The following GALNT17 variants were observed in gnomAD, a reference collection of about 807,000 sequenced individuals.
GALNT17 encodes polypeptide N-acetylgalactosaminyltransferase 17.
Under a neutral mutation model 63.7 loss-of-function variants are expected in GALNT17, and 29 were observed. The observed-to-expected ratio is 0.46, with a 90% confidence interval of 0.34 to 0.62. The LOEUF is 0.62. Ranked by LOEUF, GALNT17 falls within the 20% of genes least tolerant of loss-of-function variation. The pLI, the probability that GALNT17 is intolerant of heterozygous loss-of-function variation, is 0.01. For missense variants in GALNT17, 603 were observed against 799.6 expected, an observed-to-expected ratio of 0.75 and a Z score of 2.97; for synonymous variants, 305 against 318.3, an observed-to-expected ratio of 0.96 and a Z score of 0.45.
At chr7:71,368,263 G>A (rs1483197906) in intron 2 of GALNT17, among the ~76,000 whole-genome samples, 1 of 152,220 alleles carries the variant, frequency 6.6e-6, no homozygotes, top group Non-Finnish European at 1.5e-5. Flanking sequence ...GATCAAGTCT[G>A]AATTTTATAA....
chr7:71,481,967 G>C (rs1787825319), intron 5 of GALNT17, among the ~76,000 whole-genome samples: 1 of 152,094 alleles, frequency 6.6e-6, no homozygotes, highest in South Asian at 2.1e-4. Flanking sequence ...GAAAGACAAA[G>C]TCAGTTCTAG....
intron 5 of GALNT17, among the ~76,000 whole-genome samples, chr7:71,543,511 T>A (rs1378376089): frequency 6.6e-6 from 1 of 152,090 alleles, no homozygotes; most frequent in East Asian, 1.9e-4. Context: ...ACACATACAG[T>A]TATCTCTTCA....
At chr7:71,628,369 C>T (rs1790406243) in intron 6 of GALNT17, among the ~76,000 whole-genome samples, 1 of 152,052 alleles carries the variant, frequency 6.6e-6, no homozygotes, top group Non-Finnish European at 1.5e-5. Flanking sequence ...GTCGACCAGA[C>T]TGGAGTGCAG....
In GALNT17 at chr7:71,589,465, A is replaced by G. The variant is rs138748476; in HGVS notation, c.1080+18063A>G. 2.4e-3 allele frequency among the ~76,000 whole-genome samples: 360 copies of G among 152,210 alleles called. 2 individuals are homozygous for G. In the Middle Eastern group the frequency reaches 0.027, roughly 12 times the overall value. On this transcript the variant is annotated intron_variant, in intron 6 of 10. Coordinates refer to ENST00000333538, the MANE Select transcript of GALNT17 (RefSeq NM_022479.3). ...TGTGCCCTTGTAGTCACAGCTACTC[A>G]TGAGGCTGAGGCAGGAGGATGGCCT...
chr7:71,311,089 C>T (rs1200177672), intron 1 of GALNT17, among the ~76,000 whole-genome samples: 3 of 152,118 alleles, frequency 2.0e-5, no homozygotes, highest in Non-Finnish European at 2.9e-5. Context: ...TTTTTCTTTC[C>T]ACTGACTTTA....
At chr7:71,383,642 C>T (rs537534025) in intron 2 of GALNT17, among the ~76,000 whole-genome samples, 5 of 152,222 alleles carry the variant, frequency 3.3e-5, no homozygotes, top group African/African-American at 1.2e-4. Context: ...CTGTGTTCCC[C>T]AAGCTGGTCT....
At chr7:71,230,572 G>T (rs1387037285) in intron 1 of GALNT17, among the ~76,000 whole-genome samples, 1 of 152,184 alleles carries the variant, frequency 6.6e-6, no homozygotes, top group South Asian at 2.1e-4. Context: ...GAGGAGGCCG[G>T]CATGGTGAGT....
At chr7:71,342,254 G>A (rs1792017871) in intron 2 of GALNT17, among the ~76,000 whole-genome samples, 1 of 152,166 alleles carries the variant, frequency 6.6e-6, no homozygotes, top group African/African-American at 2.4e-5. Flanking sequence ...AGCAAAAGGT[G>A]AGCCAGCCTG....
chr7:71,711,484 CTCTT>C (rs1212330860), intron 10 of GALNT17, among the ~76,000 whole-genome samples: 4 of 151,936 alleles, frequency 2.6e-5, no homozygotes, highest in East Asian at 1.9e-4. Context: ...GCCTCTCTCT[CTCTT>C]TCTTTCTCCT....
chr7:71,491,363 T>C (rs903831946), intron 5 of GALNT17, among the ~76,000 whole-genome samples: 10 of 151,980 alleles, frequency 6.6e-5, no homozygotes, highest in Non-Finnish European at 1.3e-4. Flanking sequence ...TAGACAGGAA[T>C]GTAAGAAGCA....
At chr7:71,508,020 C>T (rs1270248769) in intron 5 of GALNT17, among the ~76,000 whole-genome samples, 1 of 152,156 alleles carries the variant, frequency 6.6e-6, no homozygotes, top group East Asian at 1.9e-4. Flanking sequence ...CGCCAGTCCA[C>T]CCCGAAGAAA....
intron 1 of GALNT17, among the ~76,000 whole-genome samples, chr7:71,181,746 A>T (rs60873109): frequency 0.021 from 3,159 of 152,150 alleles, 79 homozygotes; most frequent in African/African-American, 0.061. Context: ...ACATGGTGGC[A>T]CACACCTATA....
At chr7:71,643,800 C>T (rs1044913514) in intron 6 of GALNT17, among the ~76,000 whole-genome samples, 3 of 152,136 alleles carry the variant, frequency 2.0e-5, no homozygotes, top group Non-Finnish European at 4.4e-5. Flanking sequence ...AAGAACAAAG[C>T]GACACCAGAA....
intron 6 of GALNT17, among the ~76,000 whole-genome samples, chr7:71,645,178 C>T (rs913820360): frequency 7.2e-5 from 11 of 152,134 alleles, no homozygotes; most frequent in South Asian, 2.1e-4. Flanking sequence ...AATTAGGAGG[C>T]GCCAAAGCTG....
intron 1 of GALNT17, among the ~76,000 whole-genome samples, chr7:71,184,904 C>A (rs531990932): frequency 8.6e-4 from 131 of 151,510 alleles, no homozygotes; most frequent in African/African-American, 3.0e-3. Flanking sequence ...GAGCTGGGGG[C>A]ATTCTCTAAC....
rs114737060 is a variant in GALNT17, at chr7:71,630,008, T to C, written c.1081-35403T>C. Among the ~76,000 whole-genome samples, 1,130 of 151,660 alleles carry C rather than the reference T, an allele frequency of 7.5e-3. 14 individuals are homozygous for C. Among genetic ancestry groups the C allele is most frequent in the African/African-American group, 0.021 (855 of 41,330 alleles). On this transcript the variant is annotated intron_variant, in intron 6 of 10. Coordinates refer to ENST00000333538, the MANE Select transcript of GALNT17 (RefSeq NM_022479.3). ...CATTCCTTCTAGTCCATGTTTATTA[T>C]ATCGTAACTTTGTGCTGACTCCAGT...
At chr7:71,152,458 C>T (rs1788152932) in intron 1 of GALNT17, among the ~76,000 whole-genome samples, 1 of 152,122 alleles carries the variant, frequency 6.6e-6, no homozygotes, top group Non-Finnish European at 1.5e-5. Flanking sequence ...AAGATCTCAG[C>T]TTAGCAAAAC....
rs995394399 is a variant in GALNT17, at chr7:71,163,535, A to G, written c.238+30495A>G. On this transcript the variant is annotated intron_variant, in intron 1 of 10. Transcript: ENST00000333538. ...CCCTAATCACGAGCCAAACAGGGGGATTGGATTTTGGAGTCATAGTTACTT... is the reference window on the plus strand; with the variant it reads ...CCCTAATCACGAGCCAAACAGGGGGGTTGGATTTTGGAGTCATAGTTACTT... 3.3e-5 allele frequency among the ~76,000 whole-genome samples: 5 copies of G among 152,186 alleles called. No individual in the cohort carries two copies. In the East Asian group the frequency reaches 9.7e-4, roughly 29 times the overall value.
At chr7:71,481,686 C>T (rs796576544) in intron 5 of GALNT17, among the ~76,000 whole-genome samples, 6 of 152,266 alleles carry the variant, frequency 3.9e-5, no homozygotes, top group African/African-American at 1.4e-4. Context: ...TGCAACTCCA[C>T]CTGCCCCTGG....
Sources: allele counts gnomAD v4.1 joint callset (sites outside exome capture counted in the v4.1 genomes callset), GRCh38; gene constraint gnomAD v4.1.1; transcripts MANE v1.5; gene names NCBI Gene and HGNC (gene_info 2026-07-23, HGNC 2026-07-21).